NOX3: variants seen among roughly 807,000 people sequenced by gnomAD.
The protein encoded by NOX3 is NADPH oxidase catalytic subunit-like 3.
A neutral mutation model predicts 76.7 loss-of-function variants in NOX3; 74 were observed. The observed-to-expected ratio is 0.96, with a 90% CI of 0.80 to 1.17. The LOEUF is 1.17. Ranked by LOEUF, NOX3 falls within the 50% of genes most tolerant of loss-of-function variation. The probability of loss-of-function intolerance (pLI) is 0.00; values close to 1 mark genes in which losing one functional copy is unlikely to be tolerated. For missense variants in NOX3, 695 were observed against 703.3 expected (o/e 0.99, Z 0.13); for synonymous variants, 263 against 261.1 (o/e 1.01, Z -0.07).
intron 1 of NOX3, among the ~76,000 whole-genome samples, 157 bp downstream of exon 1, chr6:155,455,596 G>T (rs1777204020): frequency 6.6e-6 from 1 of 152,080 alleles, no homozygotes; most frequent in Non-Finnish European, 1.5e-5. Flanking sequence ...TTCTATAAGG[G>T]GAAATTAAAT....
intron 4 of NOX3, among the ~76,000 whole-genome samples, chr6:155,452,623 G>C (rs1483058659): frequency 7.3e-6 from 1 of 137,786 alleles, no homozygotes; most frequent in Non-Finnish European, 1.6e-5. Context: ...TGTTTTGAGT[G>C]TTCCTTTTAC....
At chr6:155,411,488 T>C in intron 10 of NOX3, 128 bp from the exon 11 acceptor site, 8 of 800,988 alleles carry the variant, frequency 1.0e-5, no homozygotes, top group Non-Finnish European at 1.5e-5. Flanking sequence ...CATGCTTTTT[T>C]TTGTGTGTGT....
chr6:155,412,018 T>C (rs188577961), intron 10 of NOX3, among the ~76,000 whole-genome samples: 8 of 152,188 alleles, frequency 5.3e-5, no homozygotes, highest in Non-Finnish European at 7.3e-5. Flanking sequence ...TGACAAAAAG[T>C]AGCTTGGGTT....
Position 155,454,839 on chromosome 6 carries a change from A to G in NOX3, c.227T>C (p.Leu76Pro). Residue 76 changes from leucine to proline, a missense_variant, in exon 3 of 14, where the codon CTT becomes CCT. Coordinates refer to ENST00000159060, the MANE Select transcript of NOX3 (RefSeq NM_015718.3). ...ACTTGTTCCTCTTATGAATGAAATA[A>G]GGTTTCGACTGACAGGTATTAGAAT... ...MLILIPVSRN[L>P]ISFIRGTSIC... 1 of 1,597,400 alleles carries G rather than the reference A, an allele frequency of 6.3e-7. No individual in the cohort carries two copies. The highest frequency in any genetic ancestry group is 8.5e-7 in the Non-Finnish European group (1 of 1,174,288).
chr6:155,422,331 CT>C (rs1221102854), intron 10 of NOX3, among the ~76,000 whole-genome samples: 1 of 152,202 alleles, frequency 6.6e-6, no homozygotes, highest in African/African-American at 2.4e-5. Flanking sequence ...GAATTGTACA[CT>C]TGCAACCACA....
rs951243629 is a variant in NOX3, at chr6:155,455,064, C to G, written c.114G>C (p.Glu38Asp). The part of the protein sequence containing the change: ...IDTFYWYEEE[E>D]SFHYTRVILG... ...AAATAACTCGTGTGTAATGGAAAGACTCCTCCTCTTCATACCAGTAGAACG... is the reference window on the plus strand; with the variant it reads ...AAATAACTCGTGTGTAATGGAAAGAGTCCTCCTCTTCATACCAGTAGAACG... The change falls in exon 2 of 14, where the codon GAG (glutamate) becomes GAC (aspartate). Residue 38 changes from glutamate (E) to aspartate (D), a missense_variant. Physicochemically the swap from Glu to Asp is conservative, Grantham distance 45. Coordinates refer to ENST00000159060, the MANE Select transcript of NOX3 (RefSeq NM_015718.3). 6.2e-7 allele frequency: 1 copy of G among 1,612,892 alleles called. No homozygotes were observed. The highest frequency in any genetic ancestry group is 8.5e-7 in the Non-Finnish European group (1 of 1,179,214).
intron 11 of NOX3, among the ~76,000 whole-genome samples, chr6:155,408,525 C>T (rs1032938951): frequency 7.9e-5 from 12 of 152,158 alleles, no homozygotes; most frequent in Non-Finnish European, 1.3e-4. Flanking sequence ...GGCTGACCTT[C>T]TCTCCAGTCT....
chr6:155,433,367 G>T (rs565612312), intron 7 of NOX3, among the ~76,000 whole-genome samples: 1 of 152,144 alleles, frequency 6.6e-6, no homozygotes, highest in Non-Finnish European at 1.5e-5. Flanking sequence ...ACAGACAAGA[G>T]AGAATCAAGA....
Position 155,452,208 on chromosome 6 carries a change from T to G in NOX3, c.340+1196A>C, listed in dbSNP as rs370490732. Among the ~76,000 whole-genome samples the G allele has an allele frequency of 2.6e-5, 4 of 152,290 alleles. No individual in the cohort carries two copies. In the East Asian group the frequency reaches 7.7e-4, roughly 29 times the overall value. ...TTCAGTATTCTTAGGGGAGCTTCAT[T>G]CTAATTTTAGATAATTTTCAAGGTG... On this transcript the variant is annotated intron_variant, in intron 4 of 13. Coordinates refer to ENST00000159060, the MANE Select transcript of NOX3 (RefSeq NM_015718.3).
chr6:155,418,540 C>A (rs534670523), intron 10 of NOX3, among the ~76,000 whole-genome samples: 1 of 152,320 alleles, frequency 6.6e-6, no homozygotes, highest in East Asian at 1.9e-4. Context: ...ATTTGGCCTT[C>A]TTGGGAAATC....
At chr6:155,419,624 G>A (rs549538295) in intron 10 of NOX3, among the ~76,000 whole-genome samples, 1 of 151,992 alleles carries the variant, frequency 6.6e-6, no homozygotes, top group South Asian at 2.1e-4. Flanking sequence ...TTACTCTACT[G>A]TTTCTGTTTC....
Position 155,455,510 on chromosome 6 carries a change from T to C in NOX3, c.48+243A>G, listed in dbSNP as rs1455966401. ...TTCATTTGATTTAGAGAAACACTCA[T>C]ACATTATGCAAAAACAAACTACTTG... On this transcript the variant is annotated intron_variant, in intron 1 of 13. Coordinates refer to ENST00000159060, the MANE Select transcript of NOX3 (RefSeq NM_015718.3). Among the ~76,000 whole-genome samples the C allele has an allele frequency of 2.0e-5, 3 of 152,204 alleles. No individual in the cohort carries two copies. In the East Asian group the frequency reaches 5.8e-4, roughly 29 times the overall value.
At chr6:155,448,895 T>G (rs1777099389) in intron 4 of NOX3, among the ~76,000 whole-genome samples, 2 of 152,156 alleles carry the variant, frequency 1.3e-5, no homozygotes, top group Non-Finnish European at 2.9e-5. Flanking sequence ...CTGGCTCTGC[T>G]TCTGCAGCCA....
At chr6:155,422,619 G>T in intron 10 of NOX3, 75 bp downstream of exon 10, 9 of 1,397,116 alleles carry the variant, frequency 6.4e-6, no homozygotes, top group South Asian at 1.3e-5. Context: ...TCCTCCCCAA[G>T]AATCGGCAGA....
chr6:155,445,938 G>GCTATAT (rs1777055983), intron 4 of NOX3, among the ~76,000 whole-genome samples: 1 of 128,822 alleles, frequency 7.8e-6, no homozygotes, highest in African/African-American at 3.3e-5. Flanking sequence ...ATATGCTATA[G>GCTATAT]ATATATAATA....
Position 155,413,724 on chromosome 6 carries a change from C to A in NOX3, c.1309-2364G>T, listed in dbSNP as rs188674626. Among the ~76,000 whole-genome samples, 3 of 152,214 alleles carry A rather than the reference C, an allele frequency of 2.0e-5. No homozygotes were observed. The East Asian group carries it at 5.8e-4, about 29-fold the overall frequency. Reference sequence around the variant, plus strand: ...TAATGCAGTGCTCACCTATGCATGACCCCCTCCTCCCTGGCCTTGGTAGCC... The same window carrying A: ...TAATGCAGTGCTCACCTATGCATGAACCCCTCCTCCCTGGCCTTGGTAGCC... On this transcript the variant is annotated intron_variant, in intron 10 of 13. Coordinates refer to ENST00000159060, the MANE Select transcript of NOX3 (RefSeq NM_015718.3).
At chr6:155,406,348 A>G (rs894475059) in intron 12 of NOX3, among the ~76,000 whole-genome samples, 1 of 152,192 alleles carries the variant, frequency 6.6e-6, no homozygotes, top group African/African-American at 2.4e-5. Context: ...TTCCAAGGTC[A>G]CACAGCCAGT....
chr6:155,417,364 G>A (rs979565311), intron 10 of NOX3, among the ~76,000 whole-genome samples: 4 of 152,164 alleles, frequency 2.6e-5, no homozygotes, highest in Non-Finnish European at 5.9e-5. Flanking sequence ...AGTTTGGGGA[G>A]GGAGGTGAAG....
intron 9 of NOX3, among the ~76,000 whole-genome samples, chr6:155,427,964 G>A (rs1488706619): frequency 6.6e-6 from 1 of 152,006 alleles, no homozygotes; most frequent in Admixed American, 6.6e-5. Context: ...GCAGTGGCGC[G>A]ATCTCGGCTC....
Sources: allele counts gnomAD v4.1 joint callset (sites outside exome capture counted in the v4.1 genomes callset), GRCh38; gene constraint gnomAD v4.1.1; transcripts MANE v1.5; gene names NCBI Gene and HGNC (gene_info 2026-07-23, HGNC 2026-07-21).